Variants in FUT9 observed in about 807,000 individuals in gnomAD.
The protein encoded by FUT9 is fucosyltransferase 9.
In FUT9, 15 loss-of-function variants were observed where a neutral mutation model predicts 29.7. That is an observed-to-expected ratio of 0.51 (90% CI 0.34 to 0.78). The LOEUF (loss-of-function observed/expected upper bound fraction) is 0.78, where lower values mean the gene tolerates loss of function less well. FUT9 is among the 30% of genes least tolerant of loss of function. The probability of loss-of-function intolerance (pLI) is 0.01; values close to 1 mark genes in which losing one functional copy is unlikely to be tolerated. For missense variants in FUT9, 319 were observed against 425.4 expected, an observed-to-expected ratio of 0.75 and a Z score of 2.20; for synonymous variants, 169 against 153.7, an observed-to-expected ratio of 1.10 and a Z score of -0.74.
Position 96,183,952 on chromosome 6 carries a change from C to T in FUT9, c.-8-19196C>T, listed in dbSNP as rs548594643. Among the ~76,000 whole-genome samples, 548 of 152,116 alleles carry T rather than the reference C, an allele frequency of 3.6e-3. 2 individuals carry two copies. Among genetic ancestry groups the T allele is most frequent in the Middle Eastern group, 0.014 (4 of 294 alleles). On this transcript the variant is annotated intron_variant, in intron 2 of 2. Transcript: ENST00000302103. ...GGTTTTGGTATTAGGGTGATACTGG[C>T]TTCATAGAATGATTTAGGGAGGATT...
At chr6:96,122,687 TA>T (rs1772051524) in intron 2 of FUT9, among the ~76,000 whole-genome samples, 2 of 152,100 alleles carry the variant, frequency 1.3e-5, no homozygotes, top group South Asian at 4.1e-4. Flanking sequence ...CATATATATA[TA>T]AATAACACTT....
At chr6:96,101,693 G>A (rs914607191) in intron 1 of FUT9, among the ~76,000 whole-genome samples, 5 of 151,676 alleles carry the variant, frequency 3.3e-5, no homozygotes, top group Non-Finnish European at 1.5e-5. Context: ...TCATTATGTT[G>A]CCCAGGCTGG....
intron 2 of FUT9, among the ~76,000 whole-genome samples, chr6:96,191,787 G>A (rs1477236436): frequency 2.6e-5 from 4 of 151,096 alleles, no homozygotes; most frequent in African/African-American, 9.7e-5. Flanking sequence ...AAAGAACATC[G>A]ATGGAAAAAT....
At chr6:96,075,265 G>A (rs1275011825) in intron 1 of FUT9, among the ~76,000 whole-genome samples, 1 of 152,068 alleles carries the variant, frequency 6.6e-6, no homozygotes, top group East Asian at 1.9e-4. Context: ...TAATAATAGT[G>A]AAGACTTTAA....
At chr6:96,031,841 G>C (rs1770267459) in intron 1 of FUT9, among the ~76,000 whole-genome samples, 1 of 151,326 alleles carries the variant, frequency 6.6e-6, no homozygotes, top group South Asian at 2.1e-4. Flanking sequence ...ATTCTTGATG[G>C]AGAAGAATTT....
intron 2 of FUT9, among the ~76,000 whole-genome samples, chr6:96,120,340 G>A (rs551261904): frequency 7.0e-6 from 1 of 142,532 alleles, no homozygotes; most frequent in Admixed American, 7.2e-5. Flanking sequence ...GTGCGATCTC[G>A]GCCCAATGCA....
At chr6:96,067,195 A>AATAT (rs5878414) in intron 1 of FUT9, among the ~76,000 whole-genome samples, 10 of 148,354 alleles carry the variant, frequency 6.7e-5, no homozygotes, top group African/African-American at 2.5e-4. Flanking sequence ...TTAGGCTATG[A>AATAT]ATATATATAT....
intron 2 of FUT9, among the ~76,000 whole-genome samples, chr6:96,121,812 T>A (rs1772033408): frequency 6.7e-6 from 1 of 150,270 alleles, no homozygotes; most frequent in Admixed American, 6.8e-5. Flanking sequence ...ATATAATGAT[T>A]CATCCACTTT....
chr6:96,104,800 G>A (rs1324233688), intron 1 of FUT9, among the ~76,000 whole-genome samples: 1 of 152,172 alleles, frequency 6.6e-6, no homozygotes, highest in Non-Finnish European at 1.5e-5. Context: ...AAAGTGCTGG[G>A]ATTACAGGCA....
In FUT9 at chr6:96,100,781, C is replaced by T. The variant is rs183435707; in HGVS notation, c.-97-13258C>T. On this transcript the variant is annotated intron_variant, in intron 1 of 2. Transcript: ENST00000302103. ...ACCTTTGGAATGGGTTGAGTTAAAC[C>T]TGAGTGTCTATGTTTTAGAAAGTTA... Among the ~76,000 whole-genome samples the T allele has an allele frequency of 1.4e-3, 208 of 152,174 alleles. 1 individual carries two copies. The highest frequency in any genetic ancestry group is 4.9e-3 in the African/African-American group (204 of 41,528).
intron 2 of FUT9, among the ~76,000 whole-genome samples, chr6:96,120,624 T>C (rs7751368): frequency 1.1e-5 from 1 of 90,310 alleles, no homozygotes; most frequent in South Asian, 4.2e-4. Context: ...TTTTTTTCTG[T>C]ACTAAGACTT....
chr6:96,162,766 G>A (rs1455078215), intron 2 of FUT9, among the ~76,000 whole-genome samples: 1 of 152,130 alleles, frequency 6.6e-6, no homozygotes, highest in Non-Finnish European at 1.5e-5. Context: ...TCCTTAAATA[G>A]AGCCTACATC....
intron 2 of FUT9, among the ~76,000 whole-genome samples, chr6:96,187,179 A>G (rs1231657193): frequency 6.6e-6 from 1 of 152,168 alleles, no homozygotes; most frequent in African/African-American, 2.4e-5. Flanking sequence ...CCTGCCCTGT[A>G]AACTGGACTA....
intron 1 of FUT9, among the ~76,000 whole-genome samples, chr6:96,026,441 C>T (rs181404730): frequency 2.7e-4 from 41 of 151,534 alleles, no homozygotes; most frequent in African/African-American, 9.4e-4. Context: ...CAGCATAGGG[C>T]GTGTTAAAGA....
At chr6:96,093,765 G>A (rs78984952) in intron 1 of FUT9, among the ~76,000 whole-genome samples, 3,395 of 152,054 alleles carry the variant, frequency 0.022, 65 homozygotes, top group East Asian at 0.079. Context: ...ATATTACCAA[G>A]AACCTTACAC....
At chr6:96,143,815 A>T (rs1450558359) in intron 2 of FUT9, among the ~76,000 whole-genome samples, 1 of 152,182 alleles carries the variant, frequency 6.6e-6, no homozygotes, top group Admixed American at 6.5e-5. Context: ...ATCTTGAAAG[A>T]AGCTAGGAGG....
chr6:96,096,648 T>C (rs1771500398), intron 1 of FUT9, among the ~76,000 whole-genome samples: 1 of 150,328 alleles, frequency 6.7e-6, no homozygotes. Context: ...TCCTTGTGCT[T>C]GCCATTCCTC....
At chr6:96,029,411 G>A (rs574891287) in intron 1 of FUT9, among the ~76,000 whole-genome samples, 1 of 151,574 alleles carries the variant, frequency 6.6e-6, no homozygotes, top group South Asian at 2.1e-4. Context: ...TGCAGAGTAA[G>A]GGATTGGCTG....
At chr6:96,034,119 C>T (rs1340871924) in intron 1 of FUT9, among the ~76,000 whole-genome samples, 2 of 151,580 alleles carry the variant, frequency 1.3e-5, no homozygotes, top group Non-Finnish European at 3.0e-5. Flanking sequence ...TCAGTATTCT[C>T]TTCTTATTTC....
Sources: allele counts gnomAD v4.1 joint callset (sites outside exome capture counted in the v4.1 genomes callset), GRCh38; gene constraint gnomAD v4.1.1; transcripts MANE v1.5; gene names NCBI Gene and HGNC (gene_info 2026-07-23, HGNC 2026-07-21).